RAB38: variants seen among roughly 807,000 people sequenced by gnomAD.
RAB38 encodes the protein RAB38, member RAS oncogene family.
Under a neutral mutation model 18.4 loss-of-function variants are expected in RAB38, and 15 were observed. The ratio of observed to expected loss-of-function variants is 0.82; its 90% confidence interval spans 0.55 to 1.26. The LOEUF is 1.26. Ranked by LOEUF, RAB38 falls within the 50% of genes most tolerant of loss-of-function variation. RAB38 has a pLI of 0.00. For missense variants in RAB38, 294 were observed against 267.4 expected (o/e 1.10, Z -0.69); for synonymous variants, 101 against 104.4 (o/e 0.97, Z 0.20).
chr11:87,930,885 C>T, the RAB38 span, among the ~76,000 whole-genome samples: 2 of 151,964 alleles, frequency 1.3e-5, no homozygotes, highest in Non-Finnish European at 2.9e-5. Context: ...AGATATGTGG[C>T]ATTATTTCTG....
At chr11:88,014,484 A>G in the RAB38 span, among the ~76,000 whole-genome samples, 990 of 152,272 alleles carry the variant, frequency 6.5e-3, 8 homozygotes, top group African/African-American at 0.023. Flanking sequence ...GACTGGCAAA[A>G]TGACTTTCTC....
intron 2 of RAB38, among the ~76,000 whole-genome samples, chr11:88,122,155 G>A (rs1006051492): frequency 6.6e-6 from 1 of 152,094 alleles, no homozygotes; most frequent in East Asian, 1.9e-4. Context: ...ATACGAGGCA[G>A]ACACAGCTCT....
the RAB38 span, among the ~76,000 whole-genome samples, chr11:87,943,769 T>G: frequency 6.6e-6 from 1 of 152,124 alleles, no homozygotes; most frequent in Non-Finnish European, 1.5e-5. Flanking sequence ...CAGAGGCAAC[T>G]GAATGTGTCC....
chr11:88,088,668 T>G, the RAB38 span, among the ~76,000 whole-genome samples: 85 of 148,304 alleles, frequency 5.7e-4, no homozygotes, highest in African/African-American at 2.0e-3. Flanking sequence ...CCAGAGTTAG[T>G]TTTTTTTTTA....
chr11:87,969,357 C>T, the RAB38 span, among the ~76,000 whole-genome samples: 2 of 151,956 alleles, frequency 1.3e-5, no homozygotes, highest in African/African-American at 2.4e-5. Flanking sequence ...AACCTGAATT[C>T]CTAAAGTAAA....
chr11:87,855,313 C>T, the RAB38 span, among the ~76,000 whole-genome samples: 3 of 152,010 alleles, frequency 2.0e-5, no homozygotes, highest in Non-Finnish European at 4.4e-5. Context: ...AGATATCATA[C>T]CCAGGAAAAA....
At chr11:87,954,730 C>A in the RAB38 span, among the ~76,000 whole-genome samples, 1 of 152,038 alleles carries the variant, frequency 6.6e-6, no homozygotes, top group African/African-American at 2.4e-5. Context: ...ACCACAGTGG[C>A]AGGAGGAAGT....
In RAB38 at chr11:88,119,331, T is replaced by A. The variant is rs567543180; in HGVS notation, c.484-5191A>T. Among the ~76,000 whole-genome samples, 139 of 152,306 alleles carry A rather than the reference T, an allele frequency of 9.1e-4. 2 individuals are homozygous for A. The highest frequency in any genetic ancestry group is 3.3e-3 in the African/African-American group (136 of 41,582). The stretch of plus-strand genomic sequence containing the variant: ...AAACCTGCACATGTACCCCTGTATC[T>A]AAAAGTTGAAATTTAAACAAATTTA... On this transcript the variant is annotated intron_variant, in intron 2 of 2. Transcript: ENST00000243662.
chr11:87,966,396 G>A, the RAB38 span, among the ~76,000 whole-genome samples: 7 of 152,036 alleles, frequency 4.6e-5, no homozygotes, highest in African/African-American at 1.7e-4. Context: ...GGAAACACTG[G>A]GCTCCAAGGG....
the RAB38 span, among the ~76,000 whole-genome samples, chr11:87,897,025 G>C: frequency 6.6e-6 from 1 of 151,562 alleles, no homozygotes; most frequent in Non-Finnish European, 1.5e-5. Context: ...TGCCTTTTAA[G>C]TGTAGACATC....
At chr11:87,900,183 G>A in the RAB38 span, among the ~76,000 whole-genome samples, 1 of 151,604 alleles carries the variant, frequency 6.6e-6, no homozygotes, top group Admixed American at 6.6e-5. Context: ...GGGGTTTACA[G>A]GAGATTGACA....
the RAB38 span, among the ~76,000 whole-genome samples, chr11:88,007,770 A>G: frequency 3.9e-5 from 6 of 152,250 alleles, no homozygotes; most frequent in South Asian, 1.2e-3. Context: ...TCCACAACAT[A>G]TATGTACAAT....
the RAB38 span, among the ~76,000 whole-genome samples, chr11:87,956,060 G>C: frequency 1.3e-5 from 2 of 151,914 alleles, no homozygotes; most frequent in Non-Finnish European, 2.9e-5. Context: ...CTACAGTATG[G>C]TTCATATATT....
At chr11:88,065,047 G>T in the RAB38 span, among the ~76,000 whole-genome samples, 1 of 151,886 alleles carries the variant, frequency 6.6e-6, no homozygotes, top group Non-Finnish European at 1.5e-5. Context: ...TCATTTTATC[G>T]TCTCTTTAGT....
chr11:88,045,718 ACT>A, the RAB38 span, among the ~76,000 whole-genome samples: 2 of 152,064 alleles, frequency 1.3e-5, no homozygotes, highest in Non-Finnish European at 2.9e-5. Flanking sequence ...GCTTTAGGTG[ACT>A]CTCACAGTGG....
At chr11:88,137,412 TG>T (rs1302045921) in intron 2 of RAB38, among the ~76,000 whole-genome samples, 5 of 152,132 alleles carry the variant, frequency 3.3e-5, no homozygotes, top group Admixed American at 2.6e-4. Context: ...TTAGGATTTT[TG>T]AAAAAGAATA....
chr11:88,028,747 G>A, the RAB38 span, among the ~76,000 whole-genome samples: 24 of 150,550 alleles, frequency 1.6e-4, no homozygotes, highest in African/African-American at 2.7e-4. Context: ...CCAAATCTAC[G>A]TCTGATTGGT....
the RAB38 span, among the ~76,000 whole-genome samples, chr11:87,940,510 G>A: frequency 2.0e-5 from 3 of 152,110 alleles, no homozygotes; most frequent in Admixed American, 6.6e-5. Flanking sequence ...GTGTCTGCCT[G>A]TGTTTGATGC....
At chr11:88,135,214 G>A (rs546346271) in intron 2 of RAB38, among the ~76,000 whole-genome samples, 43 of 152,136 alleles carry the variant, frequency 2.8e-4, no homozygotes, top group African/African-American at 9.9e-4. Context: ...CATATGCCAC[G>A]CAAGCTCCCC....
Sources: gnomAD v4.1 joint callset for allele counts (sites outside exome capture counted in the v4.1 genomes callset) on GRCh38, gnomAD v4.1.1 for gene constraint, MANE v1.5 for transcripts, NCBI Gene and HGNC (gene_info 2026-07-23, HGNC 2026-07-21) for gene names.